The following CFAP95 variants were observed in gnomAD, a reference collection of about 807,000 sequenced individuals.
CFAP95 encodes the protein cilia- and flagella-associated protein 95.
chr9:69,893,804 A>G, the CFAP95 span, among the ~76,000 whole-genome samples: 1 of 152,248 alleles, frequency 6.6e-6, no homozygotes, highest in East Asian at 1.9e-4. Flanking sequence ...GTGCTATTTT[A>G]TTTGTACTTC....
chr9:69,867,780 G>C, the CFAP95 span, among the ~76,000 whole-genome samples: 3 of 152,192 alleles, frequency 2.0e-5, no homozygotes, highest in Admixed American at 6.5e-5. Flanking sequence ...ATCAAGGCTT[G>C]TGTTTGACAG....
At chr9:69,886,674 G>T in the CFAP95 span, among the ~76,000 whole-genome samples, 2 of 152,116 alleles carry the variant, frequency 1.3e-5, no homozygotes, top group Admixed American at 1.3e-4. Context: ...CTGCTGGTGG[G>T]CAATACTATA....
the CFAP95 span, among the ~76,000 whole-genome samples, chr9:69,895,367 CTCTGTG>C: frequency 1.4e-3 from 158 of 111,274 alleles, no homozygotes; most frequent in African/African-American, 5.5e-3. Flanking sequence ...CTCTCTCTCT[CTCTGTG>C]TGTGTGTGTG....
chr9:69,863,400 G>A, the CFAP95 span, among the ~76,000 whole-genome samples: 1 of 152,200 alleles, frequency 6.6e-6, no homozygotes, highest in Non-Finnish European at 1.5e-5. Context: ...TATAGGAAAA[G>A]TAGATGGGAA....
the CFAP95 span, among the ~76,000 whole-genome samples, chr9:69,893,427 G>T: frequency 6.6e-5 from 10 of 152,212 alleles, no homozygotes; most frequent in African/African-American, 2.4e-4. Context: ...CCAGAACAGG[G>T]TGAAGATTCT....
At chr9:69,826,780 G>T in the CFAP95 span, among the ~76,000 whole-genome samples, 2 of 152,174 alleles carry the variant, frequency 1.3e-5, no homozygotes, top group African/African-American at 4.8e-5. Flanking sequence ...CAGGATAAGG[G>T]ATAAGAATGC....
chr9:69,876,490 G>A, the CFAP95 span, among the ~76,000 whole-genome samples: 1 of 151,824 alleles, frequency 6.6e-6, no homozygotes, highest in Non-Finnish European at 1.5e-5. Flanking sequence ...CCATGATTGT[G>A]CCACTGCACT....
the CFAP95 span, among the ~76,000 whole-genome samples, chr9:69,860,604 CTTTTT>C: frequency 6.9e-6 from 1 of 144,528 alleles, no homozygotes; most frequent in Non-Finnish European, 1.5e-5. Flanking sequence ...TATACCTTTT[CTTTTT>C]TTTTTTTTTT....
the CFAP95 span, among the ~76,000 whole-genome samples, chr9:69,867,097 A>C: frequency 1.3e-5 from 2 of 152,150 alleles, no homozygotes; most frequent in African/African-American, 4.8e-5. Flanking sequence ...AGGAGGTGGG[A>C]TATCTGGTGT....
chr9:69,839,532 T>G, the CFAP95 span, among the ~76,000 whole-genome samples: 1 of 152,044 alleles, frequency 6.6e-6, no homozygotes. Context: ...GTTCAAGCGA[T>G]TCTCATGCCT....
the CFAP95 span, among the ~76,000 whole-genome samples, chr9:69,876,124 ATTGT>A: frequency 6.6e-6 from 1 of 152,162 alleles, no homozygotes; most frequent in African/African-American, 2.4e-5. Flanking sequence ...GAACATATTT[ATTGT>A]TTCATATCCT....
the CFAP95 span, among the ~76,000 whole-genome samples, chr9:69,901,238 C>T: frequency 6.6e-6 from 1 of 151,552 alleles, no homozygotes; most frequent in Non-Finnish European, 1.5e-5. Flanking sequence ...CCTGGGATCA[C>T]GCCATTCTCC....
At chr9:69,843,205 A>AT in the CFAP95 span, among the ~76,000 whole-genome samples, 1 of 151,978 alleles carries the variant, frequency 6.6e-6, no homozygotes, top group Non-Finnish European at 1.5e-5. Flanking sequence ...TGTAGTAGGA[A>AT]TTTTAAAACA....
At chr9:69,822,471 C>T in the CFAP95 span, among the ~76,000 whole-genome samples, 1 of 152,212 alleles carries the variant, frequency 6.6e-6, no homozygotes, top group Non-Finnish European at 1.5e-5. Context: ...TCCAAAACTA[C>T]ACTGGGAAAC....
chr9:69,883,430 T>C, the CFAP95 span, among the ~76,000 whole-genome samples: 1 of 152,154 alleles, frequency 6.6e-6, no homozygotes, highest in Non-Finnish European at 1.5e-5. Flanking sequence ...ATGTTTCTGG[T>C]TGGAGATGTC....
chr9:69,825,711 A>C, the CFAP95 span, among the ~76,000 whole-genome samples: 1 of 152,224 alleles, frequency 6.6e-6, no homozygotes, highest in African/African-American at 2.4e-5. Context: ...ATGAAATACT[A>C]AGAACCACAG....
chr9:69,864,561 G>T, the CFAP95 span, among the ~76,000 whole-genome samples: 2 of 152,116 alleles, frequency 1.3e-5, no homozygotes, highest in Non-Finnish European at 2.9e-5. Context: ...TAGGAGAAAG[G>T]CATCTATAGT....
the CFAP95 span, among the ~76,000 whole-genome samples, chr9:69,889,054 C>T: frequency 6.6e-6 from 1 of 152,130 alleles, no homozygotes; most frequent in Non-Finnish European, 1.5e-5. Context: ...ACTGCCTTTG[C>T]AAAAACTATA....
the CFAP95 span, among the ~76,000 whole-genome samples, chr9:69,840,485 T>A: frequency 6.6e-6 from 1 of 152,188 alleles, no homozygotes; most frequent in Non-Finnish European, 1.5e-5. Flanking sequence ...AGGTGTTGAT[T>A]CATTTAGTTC....
Sources: gnomAD v4.1 joint callset for allele counts (sites outside exome capture counted in the v4.1 genomes callset) on GRCh38, gnomAD v4.1.1 for gene constraint, MANE v1.5 for transcripts, NCBI Gene and HGNC (gene_info 2026-07-23, HGNC 2026-07-21) for gene names.